The following SALL3 variants were observed in gnomAD, a reference collection of about 807,000 sequenced individuals.
SALL3 encodes sal-like protein 3.
SALL3 carries 25 observed loss-of-function variants against 66.2 expected under a neutral mutation model. The ratio of observed to expected loss-of-function variants is 0.38; its 90% CI spans 0.28 to 0.53. The LOEUF (loss-of-function observed/expected upper bound fraction) is 0.53, where lower values mean the gene tolerates loss of function less well. Among genes scored for constraint, SALL3 ranks in the 20% least tolerant of loss-of-function variants. The pLI is 0.85. For synonymous variants in SALL3, 1,152 were observed against 899.1 expected (o/e 1.28, Z -5.03); for missense variants, 2,194 against 1,916.5 (o/e 1.14, Z -2.70).
chr18:78,995,387 G>A lies in SALL3; in HGVS notation c.3396G>A (p.Glu1132=), dbSNP rs183426326. ...CGGCCAGCGCCCTGCAGATCCATGA[G>A]CGCACGCACACCGGCGAGAAGCCGT... ...FSSASALQIH[E]RTHTGEKPFG... is the part of the protein sequence containing the mutation. The change falls in exon 2 of 3, where the codon GAG becomes GAA. Residue 1132 remains glutamate (E), a synonymous_variant. Transcript: ENST00000537592. 6.3e-7 allele frequency: 1 copy of A among 1,586,194 alleles called. No homozygotes were observed. The highest frequency in any genetic ancestry group is 8.5e-7 in the Non-Finnish European group (1 of 1,174,320).
At chr18:78,982,120 C>G (rs1215037247) in intron 1 of SALL3, among the ~76,000 whole-genome samples, 1 of 152,188 alleles carries the variant, frequency 6.6e-6, no homozygotes. Flanking sequence ...AGCTGAGGCA[C>G]TGCTATTCAT....
rs781640431 is a variant in SALL3 at position 78,993,066 on chromosome 18, C to T, written c.1075C>T (p.Pro359Ser). ...GSLLGAAPGL[P>S]SPLLPQTSAS... ...CCTGCTGGGTGCGGCGCCCGGCCTG[C>T]CAAGTCCGCTTCTACCTCAGACTTC... The change falls in exon 2 of 3, where the codon CCA (proline) becomes TCA (serine). Residue 359 changes from proline (P) to serine (S), a missense_variant. By Grantham distance (74) the Pro-to-Ser change is moderately conservative (BLOSUM62 -1). Coordinates refer to ENST00000537592, the MANE Select transcript of SALL3 (RefSeq NM_171999.4). 8.8e-6 allele frequency: 14 copies of T among 1,593,322 alleles called. No individual in the cohort carries two copies. In the Admixed American group the frequency reaches 1.7e-4, roughly 19 times the overall value.
chr18:78,995,402 C>G lies in SALL3; in HGVS notation c.3411C>G (p.Gly1137=). The G allele has an allele frequency of 1.9e-6, 3 of 1,588,254 alleles. No individual in the cohort carries two copies. Among genetic ancestry groups the G allele is most frequent in the Non-Finnish European group, 1.7e-6 (2 of 1,175,462 alleles). ...ALQIHERTHT[G]EKPFGCTICG... is the part of the protein sequence containing the mutation. ...AGATCCATGAGCGCACGCACACCGGCGAGAAGCCGTTCGGCTGCACCATCT... is the reference window on the plus strand; with the variant it reads ...AGATCCATGAGCGCACGCACACCGGGGAGAAGCCGTTCGGCTGCACCATCT... The change falls in exon 2 of 3, where the codon GGC becomes GGG. Residue 1137 remains glycine (G), a synonymous_variant. Coordinates refer to ENST00000537592, the MANE Select transcript of SALL3 (RefSeq NM_171999.4).
At chr18:78,986,862 C>T (rs979998966) in intron 1 of SALL3, among the ~76,000 whole-genome samples, 5 of 152,198 alleles carry the variant, frequency 3.3e-5, no homozygotes, top group African/African-American at 7.2e-5. Context: ...ATTAATACTA[C>T]TTTGTAATTG....
chr18:78,988,618 A>G (rs892445238), intron 1 of SALL3, among the ~76,000 whole-genome samples: 18 of 152,318 alleles, frequency 1.2e-4, no homozygotes, highest in East Asian at 9.6e-4. Context: ...GATTGTTTCA[A>G]TTCCACACGT....
At chr18:78,981,785 T>G (rs1009558763) in intron 1 of SALL3, among the ~76,000 whole-genome samples, 4 of 152,210 alleles carry the variant, frequency 2.6e-5, no homozygotes, top group Non-Finnish European at 2.9e-5. Context: ...TTGTTTTGTT[T>G]ACTTCATCAC....
intron 1 of SALL3, among the ~76,000 whole-genome samples, chr18:78,984,513 G>C (rs1178746310): frequency 6.6e-6 from 1 of 151,966 alleles, no homozygotes; most frequent in African/African-American, 2.4e-5. Flanking sequence ...TTTTAGTCTT[G>C]GAAGGACAGG....
rs1332667221 is a variant in SALL3 at position 78,993,872 on chromosome 18, A to G, written c.1881A>G (p.Ala627=). 6.4e-7 allele frequency: 1 copy of G among 1,566,506 alleles called. No homozygotes were observed. The highest frequency in any genetic ancestry group is 1.4e-5 in the African/African-American group (1 of 73,412). Residue 627 remains alanine, a synonymous_variant, in exon 2 of 3, where the codon GCA becomes GCG. Transcript: ENST00000537592. ...CTGCACCCACATCGGTGGACGGCGC[A>G]CCCACGAGCCTCGGCAGCCCCGGGC... The part of the protein sequence containing the change: ...ASAAPTSVDG[A]PTSLGSPGLP...
At chr18:78,980,991 T>C (rs1914043612) in intron 1 of SALL3, among the ~76,000 whole-genome samples, 1 of 152,182 alleles carries the variant, frequency 6.6e-6, no homozygotes, top group South Asian at 2.1e-4. Context: ...GCCTGGCCCC[T>C]GCTCGCGGCG....
chr18:78,980,297 A>G lies in SALL3; in HGVS notation c.23A>G (p.Lys8Arg). ...AGCATGTCTCGGCGCAAGCAGGCCAAGCCCCAGCACCTCAAGTCGGACGAG... is the reference window on the plus strand; with the variant it reads ...AGCATGTCTCGGCGCAAGCAGGCCAGGCCCCAGCACCTCAAGTCGGACGAG... MSRRKQA[K>R]PQHLKSDEEL... The change falls in exon 1 of 3, where the codon AAG (lysine) becomes AGG (arginine). Residue 8 changes from lysine (K) to arginine (R), a missense_variant. By Grantham distance (26) the Lys-to-Arg change is conservative. Transcript: ENST00000537592. The G allele has an allele frequency of 7.0e-7, 1 of 1,419,634 alleles. No homozygotes were observed. Among genetic ancestry groups the G allele is most frequent in the Non-Finnish European group, 9.3e-7 (1 of 1,078,454 alleles). 87.9% of individuals were successfully genotyped at this position (1,419,634 alleles called of 1,614,324 possible). A position where few individuals can be genotyped will look rare whatever the true frequency, so the allele number is the denominator to read the frequency against.
Position 78,993,989 on chromosome 18 carries a change from G to C in SALL3, c.1998G>C (p.Gln666His). ...CGTCGGAAACCTCGAAGCTGCAGCA[G>C]CTGGTGGAGAACATCGACAAGAAGA... ...MQTSETSKLQ[Q>H]LVENIDKKMT... The change falls in exon 2 of 3, where the codon CAG becomes CAC. Residue 666 changes from glutamine to histidine, a missense_variant. Gln to His is a conservative substitution (Grantham distance 24). Transcript: ENST00000537592. 1.2e-6 allele frequency: 2 copies of C among 1,612,286 alleles called. No homozygotes were observed. Among genetic ancestry groups the C allele is most frequent in the South Asian group, 2.2e-5 (2 of 90,950 alleles).
At position 78,992,486 on chromosome 18, in the gene SALL3, C is replaced by T. The variant is rs1316102637; in HGVS notation, c.495C>T (p.Asn165=). Residue 165 remains asparagine, a synonymous_variant, in exon 2 of 3, where the codon AAC becomes AAT. Transcript: ENST00000537592. The stretch of plus-strand genomic sequence containing the variant: ...CCGCCTACGGCGCGCCCAGCACCAA[C>T]GTGACCCTGGAGGCGCTGCTGAGCA... ...PTPAYGAPST[N]VTLEALLSTK... is the part of the protein sequence containing the mutation. 42 of 1,464,430 alleles carry T rather than the reference C, an allele frequency of 2.9e-5. No individual in the cohort carries two copies. Among genetic ancestry groups the T allele is most frequent in the Non-Finnish European group, 3.6e-5 (40 of 1,111,896 alleles). 90.7% of individuals were successfully genotyped at this position (1,464,430 alleles called of 1,614,324 possible). A position where few individuals can be genotyped will look rare whatever the true frequency, so the allele number is the denominator to read the frequency against.
rs1223857474 is a variant in SALL3 at position 78,993,933 on chromosome 18, C to T, written c.1942C>T (p.Pro648Ser). 6.2e-7 allele frequency: 1 copy of T among 1,607,892 alleles called. No individual in the cohort carries two copies. Among genetic ancestry groups the T allele is most frequent in the Non-Finnish European group, 8.5e-7 (1 of 1,177,692 alleles). ...AVSEQFKAQF[P>S]FGGLLDSMQT... ...CTCCGAGCAGTTCAAGGCCCAGTTT[C>T]CGTTCGGGGGGCTGCTAGACTCGAT... The change falls in exon 2 of 3, where the codon CCG (proline) becomes TCG (serine). Residue 648 changes from proline to serine, a missense_variant. Physicochemically the swap from Pro to Ser is moderately conservative, Grantham distance 74. Coordinates refer to ENST00000537592, the MANE Select transcript of SALL3 (RefSeq NM_171999.4).
Position 78,997,172 on chromosome 18 carries a change from C to G in SALL3, c.3753C>G (p.Pro1251=), listed in dbSNP as rs776949456. The G allele has an allele frequency of 3.7e-6, 6 of 1,614,028 alleles. No individual in the cohort carries two copies. In the South Asian group the frequency reaches 6.6e-5, roughly 18 times the overall value. Residue 1251 remains proline (P), a synonymous_variant, in exon 3 of 3, where the codon CCC becomes CCG. Coordinates refer to ENST00000537592, the MANE Select transcript of SALL3 (RefSeq NM_171999.4). The part of the protein sequence containing the change: ...LPVSLGGSAL[P]PLGSMASGMD... ...TGAGTCTTGGGGGCAGCGCCCTCCC[C>G]CCTCTGGGCAGCATGGCCAGTGGGA... is the stretch of plus-strand genomic sequence containing the variant.
Position 78,980,255 on chromosome 18 carries a change from G to A in SALL3, c.-20G>A, listed in dbSNP as rs1340368286. 7 of 1,246,010 alleles carry A rather than the reference G, an allele frequency of 5.6e-6. No homozygotes were observed. The highest frequency in any genetic ancestry group is 6.3e-5 in the Admixed American group (2 of 31,622). 77.2% of individuals were successfully genotyped at this position (1,246,010 alleles called of 1,614,324 possible). On this transcript the variant is annotated 5_prime_UTR_variant, in exon 1 of 3. Coordinates refer to ENST00000537592, the MANE Select transcript of SALL3 (RefSeq NM_171999.4). ...CGCTGATGCCGCTGCCCCGCGCGGG[G>A]CCCGAGCGCCGCTAGCAGCATGTCT...
chr18:78,992,785 C>T lies in SALL3; in HGVS notation c.794C>T (p.Pro265Leu). 1 of 990,854 alleles carries T rather than the reference C, an allele frequency of 1.0e-6. No homozygotes were observed. The highest frequency in any genetic ancestry group is 1.1e-4 in the East Asian group (1 of 9,188). 61.4% of individuals were successfully genotyped at this position (990,854 alleles called of 1,614,324 possible). A position where few individuals can be genotyped will look rare whatever the true frequency, so the allele number is the denominator to read the frequency against. Residue 265 changes from proline to leucine, a missense_variant, in exon 2 of 3, where the codon CCG (proline) becomes CTG (leucine). Physicochemically the swap from Pro to Leu is moderately conservative, Grantham distance 98. Transcript: ENST00000537592. ...PSQLPGLAALPLSAGAPAAAI... is the reference protein window; with the variant it reads ...PSQLPGLAALLLSAGAPAAAI... ...CAGCTGCCCGGGCTGGCCGCGCTCC[C>T]GCTGTCGGCCGGGGCCCCTGCCGCC... is the stretch of plus-strand genomic sequence containing the variant.
intron 1 of SALL3, among the ~76,000 whole-genome samples, chr18:78,983,701 C>T (rs958605950): frequency 6.6e-6 from 1 of 152,138 alleles, no homozygotes; most frequent in African/African-American, 2.4e-5. Context: ...ATGGTTTGCC[C>T]TCAGTGCTCC....
chr18:78,985,224 T>C (rs1177107195), intron 1 of SALL3, among the ~76,000 whole-genome samples: 1 of 152,222 alleles, frequency 6.6e-6, no homozygotes, highest in Non-Finnish European at 1.5e-5. Context: ...TTCTGTTAAG[T>C]GTTAACACTG....
Position 78,992,407 on chromosome 18 carries a change from C to A in SALL3, c.416C>A (p.Ala139Glu). ...GCCGAGCCCATGGACGCGGAACCCG[C>A]GGGGGACACGCGCGCGCCCCGGCCC... ...KEAEPMDAEP[A>E]GDTRAPRPPP... Residue 139 changes from alanine (A) to glutamate (E), a missense_variant, in exon 2 of 3, where the codon GCG (alanine) becomes GAG (glutamate). Ala to Glu is a moderately radical substitution (Grantham distance 107). Coordinates refer to ENST00000537592, the MANE Select transcript of SALL3 (RefSeq NM_171999.4). The A allele has an allele frequency of 7.5e-7, 1 of 1,328,178 alleles. No individual in the cohort carries two copies. The highest frequency in any genetic ancestry group is 9.6e-7 in the Non-Finnish European group (1 of 1,046,800). The allele number at this position is 1,328,178 out of a possible 1,614,324, so 82.3% of individuals were successfully genotyped here. A position where few individuals can be genotyped will look rare whatever the true frequency, so the allele number is the denominator to read the frequency against.
Sources: allele counts gnomAD v4.1 joint callset (sites outside exome capture counted in the v4.1 genomes callset), GRCh38; gene constraint gnomAD v4.1.1; transcripts MANE v1.5; gene names NCBI Gene and HGNC (gene_info 2026-07-23, HGNC 2026-07-21).